Variants in NUMB observed in about 807,000 individuals in gnomAD.
The protein encoded by NUMB is protein numb homolog.
Under a neutral mutation model 59.7 loss-of-function variants are expected in NUMB, and 29 were observed. The ratio of observed to expected loss-of-function variants is 0.49; its 90% confidence interval spans 0.36 to 0.66. The LOEUF (loss-of-function observed/expected upper bound fraction) is 0.66, where lower values mean the gene tolerates loss of function less well. Among genes scored for constraint, NUMB ranks in the 30% least tolerant of loss-of-function variants. NUMB has a pLI of 0.00. For synonymous variants in NUMB, 288 were observed against 288.2 expected, an observed-to-expected ratio of 1.00 and a Z score of 0.01; for missense variants, 723 against 822.0, an observed-to-expected ratio of 0.88 and a Z score of 1.47.
At chr14:73,439,020 A>C (rs1882827885) in intron 1 of NUMB, among the ~76,000 whole-genome samples, 1 of 152,218 alleles carries the variant, frequency 6.6e-6, no homozygotes, top group Admixed American at 6.5e-5. Flanking sequence ...GTATCTTAAC[A>C]AATCTATAAT....
At chr14:73,352,733 G>A (rs1404225635) in intron 4 of NUMB, among the ~76,000 whole-genome samples, 15 of 144,746 alleles carry the variant, frequency 1.0e-4, no homozygotes, top group South Asian at 4.3e-4. Flanking sequence ...TAGTAGAGAC[G>A]GGGTTTCACC....
At chr14:73,362,628 T>C (rs1291318769) in intron 3 of NUMB, among the ~76,000 whole-genome samples, 1 of 151,792 alleles carries the variant, frequency 6.6e-6, no homozygotes, top group Non-Finnish European at 1.5e-5. Context: ...GAGACGGGGT[T>C]TTGCCACACG....
In NUMB at chr14:73,410,044, G is replaced by A. The variant is rs944111566; in HGVS notation, c.-208C>T. The A allele has an allele frequency of 3.9e-5, 6 of 152,112 alleles. No homozygotes were observed. The highest frequency in any genetic ancestry group is 7.2e-5 in the African/African-American group (3 of 41,404). 9.4% of individuals were successfully genotyped at this position (152,112 alleles called of 1,614,324 possible). ...AGTGGCTGCACTGGCACTCTTCCCCGGAAGAAGTTGCTTAAGCCTCAAATC... is the reference window on the plus strand; with the variant it reads ...AGTGGCTGCACTGGCACTCTTCCCCAGAAGAAGTTGCTTAAGCCTCAAATC... On this transcript the variant is annotated 5_prime_UTR_variant, in exon 2 of 13. Coordinates refer to ENST00000555238, the MANE Select transcript of NUMB (RefSeq NM_001005743.2).
chr14:73,395,875 GA>G (rs982961743), intron 2 of NUMB, among the ~76,000 whole-genome samples: 13 of 152,154 alleles, frequency 8.5e-5, no homozygotes, highest in Non-Finnish European at 1.8e-4. Flanking sequence ...CAATGAAGGT[GA>G]ATTGAGTTCT....
chr14:73,408,350 T>C (rs1896769031), intron 2 of NUMB, among the ~76,000 whole-genome samples: 5 of 152,060 alleles, frequency 3.3e-5, no homozygotes, highest in Admixed American at 3.3e-4. Context: ...TTTGGAGGTA[T>C]ATAATGATAA....
chr14:73,382,336 A>G (rs1243421675), intron 2 of NUMB, among the ~76,000 whole-genome samples: 6 of 151,876 alleles, frequency 4.0e-5, no homozygotes, highest in Non-Finnish European at 8.8e-5. Flanking sequence ...TAGTAGAGAC[A>G]GGGTTTTACC....
chr14:73,442,724 A>G (rs1047628217), intron 1 of NUMB, among the ~76,000 whole-genome samples: 1 of 152,224 alleles, frequency 6.6e-6, no homozygotes, highest in Non-Finnish European at 1.5e-5. Flanking sequence ...ATCCATAATG[A>G]CAGACAGCAG....
intron 4 of NUMB, among the ~76,000 whole-genome samples, chr14:73,350,510 A>C (rs1893187840): frequency 6.7e-6 from 1 of 149,992 alleles, no homozygotes; most frequent in African/African-American, 2.5e-5. Flanking sequence ...CATTCCTTAG[A>C]TTCAGTTCAT....
Position 73,277,002 on chromosome 14 carries a change from TAGGACTGGGCAGGGACAAAGGCTGGTTGC to T in NUMB, c.1503_1531del (p.Gln502SerfsTer12). On this transcript the variant is annotated frameshift_variant, in exon 13 of 13. Coordinates refer to ENST00000555238, the MANE Select transcript of NUMB (RefSeq NM_001005743.2). LOFTEE classifies it high-confidence loss of function. ...ATAGGGCATTCCATTGGCCACAGGATAGGACTGGGCAGGGACAAAGGCTGGTTGCAGGGCTGGGACCACACCCACTGGCA... is the reference window on the plus strand; with the variant it reads ...ATAGGGCATTCCATTGGCCACAGGATAGGGCTGGGACCACACCCACTGGCA... 1 of 1,613,972 alleles carries T rather than the reference TAGGACTGGGCAGGGACAAAGGCTGGTTGC, an allele frequency of 6.2e-7. No homozygotes were observed. The highest frequency in any genetic ancestry group is 1.1e-5 in the South Asian group (1 of 91,068).
At chr14:73,291,874 C>A (rs1430217844) in intron 8 of NUMB, among the ~76,000 whole-genome samples, 1 of 151,248 alleles carries the variant, frequency 6.6e-6, no homozygotes, top group Non-Finnish European at 1.5e-5. Flanking sequence ...TTAGTAGAGA[C>A]GGGGTTTCAC....
At chr14:73,349,219 T>C (rs1893069228) in intron 4 of NUMB, among the ~76,000 whole-genome samples, 1 of 152,164 alleles carries the variant, frequency 6.6e-6, no homozygotes, top group South Asian at 2.1e-4. Context: ...GATGGGCAGA[T>C]CACCTGAGGT....
intron 6 of NUMB, among the ~76,000 whole-genome samples, chr14:73,302,730 G>C (rs1890219800): frequency 6.6e-6 from 1 of 151,732 alleles, no homozygotes; most frequent in South Asian, 2.1e-4. Flanking sequence ...CATATTATTT[G>C]TAAACTTGAG....
At chr14:73,302,455 G>A (rs1594883244) in intron 6 of NUMB, among the ~76,000 whole-genome samples, 1 of 145,566 alleles carries the variant, frequency 6.9e-6, no homozygotes. Context: ...CGCCCAGGCT[G>A]GAGTGCAGTG....
At chr14:73,434,898 T>G (rs1007725483) in intron 1 of NUMB, among the ~76,000 whole-genome samples, 3 of 152,180 alleles carry the variant, frequency 2.0e-5, no homozygotes, top group African/African-American at 7.2e-5. Flanking sequence ...TTGGAATAAT[T>G]ATTTCATTTT....
intron 1 of NUMB, among the ~76,000 whole-genome samples, chr14:73,441,391 T>C (rs1472357764): frequency 6.6e-6 from 1 of 151,894 alleles, no homozygotes; most frequent in African/African-American, 2.4e-5. Context: ...CTACTAAAGA[T>C]ACGAAAATTA....
intron 1 of NUMB, among the ~76,000 whole-genome samples, chr14:73,440,215 CCATA>C (rs565270642): frequency 8.8e-4 from 116 of 131,574 alleles, no homozygotes; most frequent in Middle Eastern, 3.6e-3. Context: ...ATATGGATAT[CCATA>C]TATATATATG....
intron 4 of NUMB, among the ~76,000 whole-genome samples, chr14:73,335,554 T>G (rs1296108072): frequency 6.6e-6 from 1 of 152,200 alleles, no homozygotes; most frequent in East Asian, 1.9e-4. Context: ...TTTGTTTGTA[T>G]GCCTTTTCCA....
rs1168287763 is a variant in NUMB, at chr14:73,295,059, CAA to C, written c.309+2150_309+2151del. Among the ~76,000 whole-genome samples, 29 of 67,190 alleles carry C rather than the reference CAA, an allele frequency of 4.3e-4. 1 individual carries two copies. Among genetic ancestry groups the C allele is most frequent in the Middle Eastern group, 0.011 (1 of 92 alleles). The allele number at this position is 67,190 out of a possible 152,430, so 44.1% of individuals were successfully genotyped here. A position where few individuals can be genotyped will look rare whatever the true frequency, so the allele number is the denominator to read the frequency against. ...TGGGTGACAGTATAAGGCACTGTCTCAAAAAAAAAAAAAAAAAAAAAAAGGTA... is the reference window on the plus strand; with the variant it reads ...TGGGTGACAGTATAAGGCACTGTCTCAAAAAAAAAAAAAAAAAAAAAGGTA... On this transcript the variant is annotated intron_variant, in intron 7 of 12. Transcript: ENST00000555238.
chr14:73,352,959 T>C (rs1893501079), intron 4 of NUMB, among the ~76,000 whole-genome samples: 1 of 151,438 alleles, frequency 6.6e-6, no homozygotes, highest in African/African-American at 2.4e-5. Context: ...AGCATATACC[T>C]GGCATATGAC....
Sources: gnomAD v4.1 joint callset for allele counts (sites outside exome capture counted in the v4.1 genomes callset) on GRCh38, gnomAD v4.1.1 for gene constraint, MANE v1.5 for transcripts, NCBI Gene and HGNC (gene_info 2026-07-23, HGNC 2026-07-21) for gene names.